GMEB2: variants seen among roughly 807,000 people sequenced by gnomAD.
The protein encoded by GMEB2 is glucocorticoid modulatory element-binding protein 2.
In GMEB2, 7 loss-of-function variants were observed where a neutral mutation model predicts 45.7. That is an observed-to-expected ratio of 0.15 (90% confidence interval 0.09 to 0.29). GMEB2 has a LOEUF of 0.29. GMEB2 is among the 10% of genes least tolerant of loss of function. GMEB2 has a pLI of 1.00. For synonymous variants in GMEB2, 322 were observed against 323.6 expected (o/e 1.00, Z 0.05); for missense variants, 582 against 739.2 (o/e 0.79, Z 2.47).
chr20:63,592,196 C>G lies in GMEB2; in HGVS notation c.830-52G>C, dbSNP rs376144186. The G allele has an allele frequency of 5.0e-5, 78 of 1,570,044 alleles. No homozygotes were observed. The highest frequency in any genetic ancestry group is 5.9e-5 in the Non-Finnish European group (68 of 1,153,858). On this transcript the variant is annotated intron_variant, in intron 8 of 9. Coordinates refer to ENST00000370077, the MANE Select transcript of GMEB2 (RefSeq NM_012384.5). The surrounding 1 kb of genome is among the most constrained non-coding windows in gnomAD (Gnocchi z 8.2). Reference sequence around the variant, plus strand: ...GAGAGCCCAAGCCCTTCCTAGAGAGCCACGCGGACGCTCGGTGAGAGCCCG... The same window carrying G: ...GAGAGCCCAAGCCCTTCCTAGAGAGGCACGCGGACGCTCGGTGAGAGCCCG...
intron 4 of GMEB2, among the ~76,000 whole-genome samples, chr20:63,600,359 A>T (rs937585001): frequency 6.7e-6 from 1 of 149,546 alleles, no homozygotes; most frequent in Non-Finnish European, 1.5e-5. Flanking sequence ...TTTTTTTCTG[A>T]TGCAGGATCC....
rs556560125 is a variant in GMEB2, at chr20:63,590,317, C to T, written c.1365G>A (p.Thr455=). 2.4e-5 allele frequency: 38 copies of T among 1,612,538 alleles called. No individual in the cohort carries two copies. The Middle Eastern group carries it at 1.7e-3, about 70-fold the overall frequency. The change falls in exon 10 of 10, where the codon ACG becomes ACA. Residue 455 remains threonine (T), a synonymous_variant. Transcript: ENST00000370077. ...VEIHPDASSL[T]VLSTAAVQDG... Reference sequence around the variant, plus strand: ...CCTGCACGGCGGCCGTGCTCAGGACCGTGAGGCTGGACGCGTCCGGGTGGA... The same window carrying T: ...CCTGCACGGCGGCCGTGCTCAGGACTGTGAGGCTGGACGCGTCCGGGTGGA...
rs573195182 is a variant in GMEB2 at position 63,626,381 on chromosome 20, C to A, written c.-58+575G>T. 5.2e-5 allele frequency among the ~76,000 whole-genome samples: 6 copies of A among 114,838 alleles called. No homozygotes were observed. The South Asian group carries it at 1.7e-3, about 33-fold the overall frequency. The allele number at this position is 114,838 out of a possible 152,430, so 75.3% of individuals were successfully genotyped here. ...AATCGCGTCCCTGCGGGTCGGGTGCCTGCGGGGTGGCCCCTGGGGATCGCG... is the reference window on the plus strand; with the variant it reads ...AATCGCGTCCCTGCGGGTCGGGTGCATGCGGGGTGGCCCCTGGGGATCGCG... On this transcript the variant is annotated intron_variant, in intron 1 of 9. Transcript: ENST00000370077.
intron 1 of GMEB2, among the ~76,000 whole-genome samples, chr20:63,624,631 T>C (rs2089659033): frequency 6.6e-6 from 1 of 152,158 alleles, no homozygotes; most frequent in Non-Finnish European, 1.5e-5. Flanking sequence ...TCGTCACAGC[T>C]TCAGGGCTTT....
chr20:63,609,035 A>AC (rs1393840439), intron 2 of GMEB2, among the ~76,000 whole-genome samples: 1 of 66,202 alleles, frequency 1.5e-5, no homozygotes, highest in Non-Finnish European at 3.3e-5. Flanking sequence ...TGTCCCTCTG[A>AC]CCCACACCTC....
At chr20:63,604,053 CA>C (rs34930799) in intron 3 of GMEB2, among the ~76,000 whole-genome samples, 23,942 of 69,326 alleles carry the variant, frequency 0.35, 2,026 homozygotes, top group East Asian at 0.52. Context: ...GACTCCGTCT[CA>C]AAAAAAAAAA....
chr20:63,624,288 G>C (rs1236029098), intron 1 of GMEB2, among the ~76,000 whole-genome samples: 9 of 151,580 alleles, frequency 5.9e-5, no homozygotes, highest in Non-Finnish European at 1.2e-4. Flanking sequence ...AATTGGCCGG[G>C]CATGGTGGCG....
At position 63,595,708 on chromosome 20, in the gene GMEB2, G is replaced by A; in HGVS notation, c.521C>T (p.Thr174Ile). ...FYQHDKVCSN[T>I]CRSTKIDLSG... ...GAGGTCAATCTTTGTGCTGCGGCAG[G>A]TGTTGGAGCAGACCTTGTCATGCTG... The change falls in exon 6 of 10, where the codon ACC becomes ATC. Residue 174 changes from threonine to isoleucine, a missense_variant. Physicochemically the swap from Thr to Ile is moderately conservative, Grantham distance 89 (BLOSUM62 -1). Coordinates refer to ENST00000370077, the MANE Select transcript of GMEB2 (RefSeq NM_012384.5). 4 of 1,613,262 alleles carry A rather than the reference G, an allele frequency of 2.5e-6. No individual in the cohort carries two copies. Among genetic ancestry groups the A allele is most frequent in the Non-Finnish European group, 3.4e-6 (4 of 1,179,198 alleles).
At chr20:63,625,228 T>C (rs1486569502) in intron 1 of GMEB2, among the ~76,000 whole-genome samples, 1 of 151,786 alleles carries the variant, frequency 6.6e-6, no homozygotes, top group Non-Finnish European at 1.5e-5. Flanking sequence ...CAGGCTGGAG[T>C]GCAATGGCAA....
In GMEB2 at chr20:63,589,970, T is replaced by G. The variant is rs2083129339; in HGVS notation, c.*119A>C. Reference sequence around the variant, plus strand: ...TTGTTTTGGCGATTCCTCTCTTTGGTTCTGCAGACCACGTGACCCACCTGC... The same window carrying G: ...TTGTTTTGGCGATTCCTCTCTTTGGGTCTGCAGACCACGTGACCCACCTGC... On this transcript the variant is annotated 3_prime_UTR_variant, in exon 10 of 10. Coordinates refer to ENST00000370077, the MANE Select transcript of GMEB2 (RefSeq NM_012384.5). 2.7e-6 allele frequency: 2 copies of G among 750,082 alleles called. No homozygotes were observed. The highest frequency in any genetic ancestry group is 1.8e-5 in the African/African-American group (1 of 55,844). 46.5% of individuals were successfully genotyped at this position (750,082 alleles called of 1,614,324 possible). A position where few individuals can be genotyped will look rare whatever the true frequency, so the allele number is the denominator to read the frequency against.
chr20:63,591,306 C>T (rs992161184), intron 9 of GMEB2, among the ~76,000 whole-genome samples: 2 of 152,094 alleles, frequency 1.3e-5, no homozygotes, highest in African/African-American at 4.8e-5. Flanking sequence ...ACTGAATACA[C>T]ACACATTGAA....
intron 2 of GMEB2, among the ~76,000 whole-genome samples, chr20:63,614,771 C>T (rs1024376056): frequency 1.1e-4 from 16 of 152,222 alleles, no homozygotes; most frequent in South Asian, 4.2e-4. Context: ...ATGGCGTAAG[C>T]GGTCTCTCTC....
At chr20:63,626,762 ACCGCCCGCG>A (rs1221810724) in intron 1 of GMEB2, among the ~76,000 whole-genome samples, 185 bp downstream of exon 1, 1 of 144,092 alleles carries the variant, frequency 6.9e-6, no homozygotes, top group Admixed American at 6.8e-5. Flanking sequence ...CGCGCCCGCC[ACCGCCCGCG>A]CCGCCCGCCT....
chr20:63,610,344 ACC>A (rs1422299529), intron 2 of GMEB2, among the ~76,000 whole-genome samples: 1 of 152,014 alleles, frequency 6.6e-6, no homozygotes, highest in Non-Finnish European at 1.5e-5. Context: ...ACACGGTGAA[ACC>A]CCGTCTCTAC....
At chr20:63,617,189 G>C (rs1290427427) in intron 2 of GMEB2, among the ~76,000 whole-genome samples, 3 of 152,094 alleles carry the variant, frequency 2.0e-5, no homozygotes, top group Non-Finnish European at 4.4e-5. Context: ...ATGTCGCCCA[G>C]GCTGGTCCTG....
intron 1 of GMEB2, among the ~76,000 whole-genome samples, chr20:63,625,797 C>G (rs1212476377): frequency 6.6e-6 from 1 of 152,054 alleles, no homozygotes; most frequent in Non-Finnish European, 1.5e-5. Flanking sequence ...AGGGTTTCAC[C>G]GTGTTAGCCA....
At chr20:63,599,070 T>C (rs1441605458) in intron 4 of GMEB2, among the ~76,000 whole-genome samples, 1 of 152,218 alleles carries the variant, frequency 6.6e-6, no homozygotes, top group Admixed American at 6.5e-5. Context: ...CTCCAGGAGC[T>C]TCAGCATGTC....
chr20:63,591,415 A>G (rs2083146552), intron 9 of GMEB2, among the ~76,000 whole-genome samples: 1 of 152,214 alleles, frequency 6.6e-6, no homozygotes, highest in South Asian at 2.1e-4. Context: ...GAAACGCACC[A>G]ATATCAGGGG....
chr20:63,619,182 C>T lies in GMEB2; in HGVS notation c.131+85G>A. 1 of 1,302,638 alleles carries T rather than the reference C, an allele frequency of 7.7e-7. No homozygotes were observed. Among genetic ancestry groups the T allele is most frequent in the Non-Finnish European group, 1.0e-6 (1 of 966,348 alleles). 80.7% of individuals were successfully genotyped at this position (1,302,638 alleles called of 1,614,324 possible). A position where few individuals can be genotyped will look rare whatever the true frequency, so the allele number is the denominator to read the frequency against. On this transcript the variant is annotated intron_variant, in intron 2 of 9. Transcript: ENST00000370077. The surrounding 1 kb of genome is among the most constrained non-coding windows in gnomAD (Gnocchi z 4.6). Reference sequence around the variant, plus strand: ...GAACTAGAAAAATCCTGACACTTGTCCCTTACTACGTTAATGCCAGCTGTG... The same window carrying T: ...GAACTAGAAAAATCCTGACACTTGTTCCTTACTACGTTAATGCCAGCTGTG...
Sources: allele counts gnomAD v4.1 joint callset (sites outside exome capture counted in the v4.1 genomes callset), GRCh38; gene constraint gnomAD v4.1.1; non-coding constraint Gnocchi (gnomAD v3.1); transcripts MANE v1.5; gene names NCBI Gene and HGNC (gene_info 2026-07-23, HGNC 2026-07-21).